TMEM163: variants seen among roughly 807,000 people sequenced by gnomAD.
TMEM163 encodes the protein transmembrane protein 163.
A neutral mutation model predicts 29.3 loss-of-function variants in TMEM163; 17 were observed. That is an observed-to-expected ratio of 0.58 (90% CI 0.40 to 0.87). The LOEUF is 0.87. Among genes scored for constraint, TMEM163 ranks in the 40% least tolerant of loss-of-function variants. The probability of loss-of-function intolerance (pLI) is 0.00; values close to 1 mark genes in which losing one functional copy is unlikely to be tolerated. For missense variants in TMEM163, 303 were observed against 381.5 expected, an observed-to-expected ratio of 0.79 and a Z score of 1.71; for synonymous variants, 157 against 160.6, an observed-to-expected ratio of 0.98 and a Z score of 0.17.
chr2:134,537,219 A>G (rs1680560891), intron 4 of TMEM163, among the ~76,000 whole-genome samples: 1 of 152,178 alleles, frequency 6.6e-6, no homozygotes, highest in Non-Finnish European at 1.5e-5. Flanking sequence ...ATGTGGGTCT[A>G]CCTGCGGGAG....
intron 2 of TMEM163, among the ~76,000 whole-genome samples, chr2:134,595,262 A>C (rs1054846779): frequency 6.7e-6 from 1 of 148,642 alleles, no homozygotes. Flanking sequence ...ATCCCTCCCC[A>C]CTCCCCCCAA....
At chr2:134,718,608 A>C in intron 1 of TMEM163, 126 bp downstream of exon 1, 3 of 635,448 alleles carry the variant, frequency 4.7e-6, no homozygotes, top group South Asian at 7.3e-5. Flanking sequence ...CTCGCCGGGA[A>C]GTCGGGGCTC....
intron 5 of TMEM163, among the ~76,000 whole-genome samples, chr2:134,492,492 A>C (rs1322189515): frequency 6.6e-6 from 1 of 152,192 alleles, no homozygotes; most frequent in Admixed American, 6.5e-5. Flanking sequence ...TTTTCCCATG[A>C]TTCTTTAATA....
intron 2 of TMEM163, among the ~76,000 whole-genome samples, chr2:134,688,126 C>T (rs1429285678): frequency 6.6e-6 from 1 of 152,180 alleles, no homozygotes; most frequent in African/African-American, 2.4e-5. Context: ...CCAGACACTG[C>T]TGTCATCTCC....
chr2:134,521,787 G>A (rs1231720004), intron 4 of TMEM163, among the ~76,000 whole-genome samples: 1 of 152,172 alleles, frequency 6.6e-6, no homozygotes, highest in East Asian at 1.9e-4. Flanking sequence ...TCCCAGGATC[G>A]GGGACATATC....
chr2:134,642,014 A>T (rs953464558), intron 2 of TMEM163, among the ~76,000 whole-genome samples: 1 of 152,204 alleles, frequency 6.6e-6, no homozygotes, highest in Non-Finnish European at 1.5e-5. Flanking sequence ...TGAAGGGTCG[A>T]TTCATCAAGA....
At chr2:134,600,484 A>C (rs1175760013) in intron 2 of TMEM163, among the ~76,000 whole-genome samples, 1 of 152,216 alleles carries the variant, frequency 6.6e-6, no homozygotes, top group Non-Finnish European at 1.5e-5. Flanking sequence ...AGCCCTTTTA[A>C]GAGTTTTATC....
intron 2 of TMEM163, among the ~76,000 whole-genome samples, chr2:134,633,097 G>A (rs1482768086): frequency 6.6e-6 from 1 of 151,982 alleles, no homozygotes; most frequent in Non-Finnish European, 1.5e-5. Context: ...AGGAGATTAG[G>A]TTTCAACATG....
chr2:134,456,799 G>A, intron 7 of TMEM163, 23 bp from the exon 8 acceptor site: 1 of 1,612,162 alleles, frequency 6.2e-7, no homozygotes, highest in Non-Finnish European at 8.5e-7. Context: ...AGACAGACAA[G>A]GTCACCTCCA....
At position 134,458,021 on chromosome 2, in the gene TMEM163, C is replaced by T. The variant is rs756614844; in HGVS notation, c.809+11G>A. 4 of 1,614,104 alleles carry T rather than the reference C, an allele frequency of 2.5e-6. No individual in the cohort carries two copies. The highest frequency in any genetic ancestry group is 1.3e-5 in the African/African-American group (1 of 75,018). ...TGCCAGGAAAGCAAACAGGAAAGCA[C>T]AAGAACCTACTTGACCCCATAGGCA... On this transcript the variant is annotated intron_variant, in intron 7 of 7. Coordinates refer to ENST00000281924, the MANE Select transcript of TMEM163 (RefSeq NM_030923.5).
intron 2 of TMEM163, among the ~76,000 whole-genome samples, chr2:134,701,213 T>TA (rs999889534): frequency 6.7e-6 from 1 of 150,078 alleles, no homozygotes; most frequent in Non-Finnish European, 1.5e-5. Context: ...AGAGTGAATT[T>TA]AAAAAAAAAG....
chr2:134,621,281 C>A (rs1014172771), intron 2 of TMEM163, among the ~76,000 whole-genome samples: 1 of 152,152 alleles, frequency 6.6e-6, no homozygotes, highest in Admixed American at 6.5e-5. Flanking sequence ...GATACTACTA[C>A]AATACTCATT....
chr2:134,678,041 T>C (rs185758586), intron 2 of TMEM163, among the ~76,000 whole-genome samples: 1 of 152,354 alleles, frequency 6.6e-6, no homozygotes, highest in African/African-American at 2.4e-5. Flanking sequence ...GTGCACTCTT[T>C]GTCCTGGTTT....
intron 2 of TMEM163, among the ~76,000 whole-genome samples, chr2:134,555,019 C>A (rs1681018567): frequency 6.6e-6 from 1 of 152,164 alleles, no homozygotes; most frequent in African/African-American, 2.4e-5. Flanking sequence ...CTCTGAAGGG[C>A]CCTCCACACA....
In TMEM163 at chr2:134,550,708, A is replaced by G. The variant is rs771153345; in HGVS notation, c.367-47T>C. The G allele has an allele frequency of 4.5e-6, 7 of 1,561,324 alleles. No individual in the cohort carries two copies. The African/African-American group carries it at 9.5e-5, about 21-fold the overall frequency. ...TTAGAGGCTTTCCACAGTTAATAGC[A>G]CACAAATGTGAAGACACAGGACAAC... On this transcript the variant is annotated intron_variant, in intron 3 of 7. Coordinates refer to ENST00000281924, the MANE Select transcript of TMEM163 (RefSeq NM_030923.5).
intron 2 of TMEM163, among the ~76,000 whole-genome samples, chr2:134,635,261 G>C (rs560306815): frequency 3.9e-5 from 6 of 152,268 alleles, no homozygotes; most frequent in African/African-American, 1.4e-4. Flanking sequence ...TTATTTCCTG[G>C]TGACAGGGAC....
chr2:134,507,058 C>T (rs959407882), intron 4 of TMEM163, among the ~76,000 whole-genome samples: 2 of 152,122 alleles, frequency 1.3e-5, no homozygotes, highest in Admixed American at 6.6e-5. Flanking sequence ...AATTCCCGGC[C>T]GGGTGCAGTG....
chr2:134,459,080 G>T (rs1219307541), intron 6 of TMEM163: 1 of 152,382 alleles, frequency 6.6e-6, no homozygotes, highest in Admixed American at 6.5e-5. Flanking sequence ...CAACACACTG[G>T]TGGCCCCAAG....
rs372048595 is a variant in TMEM163 at position 134,642,639 on chromosome 2, C to T, written c.322+70561G>A. ...AACATTCACTAGGATAAACCATAGC[C>T]TGGTTTACAAAACATGAAGTATATC... On this transcript the variant is annotated intron_variant, in intron 2 of 7. Transcript: ENST00000281924. Among the ~76,000 whole-genome samples the T allele has an allele frequency of 2.6e-5, 4 of 152,084 alleles. No individual in the cohort carries two copies. In the East Asian group the frequency reaches 7.7e-4, roughly 29 times the overall value.
Sources: allele counts gnomAD v4.1 joint callset (sites outside exome capture counted in the v4.1 genomes callset), GRCh38; gene constraint gnomAD v4.1.1; transcripts MANE v1.5; gene names NCBI Gene and HGNC (gene_info 2026-07-23, HGNC 2026-07-21).